KAT6B: variants seen among roughly 807,000 people sequenced by gnomAD.
KAT6B encodes histone acetyltransferase KAT6B.
Under a neutral mutation model 187.5 loss-of-function variants are expected in KAT6B, and 10 were observed. That is an observed-to-expected ratio of 0.05 (90% confidence interval 0.03 to 0.09). The LOEUF is 0.09. Ranked by LOEUF, KAT6B falls within the 10% of genes least tolerant of loss-of-function variation. The probability of loss-of-function intolerance (pLI) is 1.00; values close to 1 mark genes in which losing one functional copy is unlikely to be tolerated. For missense variants in KAT6B, 1,952 were observed against 2,558.9 expected (o/e 0.76, Z 5.12); for synonymous variants, 861 against 926.8 (o/e 0.93, Z 1.29).
At chr10:74,956,122 G>A (rs372296399) in intron 3 of KAT6B, among the ~76,000 whole-genome samples, 7 of 152,078 alleles carry the variant, frequency 4.6e-5, no homozygotes, top group African/African-American at 7.2e-5. Context: ...GGGTCTCCCC[G>A]TGTTGCCCAG....
At chr10:74,874,325 G>C (rs1202492416) in intron 3 of KAT6B, among the ~76,000 whole-genome samples, 1 of 152,164 alleles carries the variant, frequency 6.6e-6, no homozygotes, top group Non-Finnish European at 1.5e-5. Context: ...TTCAGTGACT[G>C]ATAGGCTGTA....
Position 74,940,591 on chromosome 10 carries a change from TC to T in KAT6B, c.622-19378del, listed in dbSNP as rs377579281. ...GCCCGGCCTTTGTTTTTTTTTTTTT[TC>T]TTTCTTTAAAGAGAAGTTCTTGCTC... On this transcript the variant is annotated intron_variant, in intron 3 of 17. Coordinates refer to ENST00000287239, the MANE Select transcript of KAT6B (RefSeq NM_012330.4). 2.2e-3 allele frequency among the ~76,000 whole-genome samples: 331 copies of T among 150,238 alleles called. 8 individuals carry two copies. The highest frequency in any genetic ancestry group is 0.017 in the Middle Eastern group (5 of 294).
At chr10:74,877,611 T>G (rs1844518446) in intron 3 of KAT6B, among the ~76,000 whole-genome samples, 1 of 152,204 alleles carries the variant, frequency 6.6e-6, no homozygotes, top group African/African-American at 2.4e-5. Context: ...AGGTTAATCT[T>G]TTTTTCAAAG....
intron 3 of KAT6B, among the ~76,000 whole-genome samples, chr10:74,850,863 A>G (rs763983155): frequency 6.6e-6 from 1 of 152,228 alleles, no homozygotes; most frequent in Admixed American, 6.5e-5. Flanking sequence ...ATTTCACTTT[A>G]GTGAGAATGT....
intron 3 of KAT6B, among the ~76,000 whole-genome samples, chr10:74,946,891 A>T (rs537420638): frequency 2.6e-5 from 4 of 152,344 alleles, no homozygotes; most frequent in Admixed American, 2.6e-4. Context: ...TAGTTGTACA[A>T]CAACGGGAAT....
At chr10:74,874,757 G>C (rs1173638167) in intron 3 of KAT6B, among the ~76,000 whole-genome samples, 1 of 152,052 alleles carries the variant, frequency 6.6e-6, no homozygotes, top group African/African-American at 2.4e-5. Context: ...CTGTGTGCAG[G>C]GTTAGAAGTT....
chr10:74,963,780 A>T (rs1422280830), intron 4 of KAT6B, among the ~76,000 whole-genome samples: 2 of 152,200 alleles, frequency 1.3e-5, no homozygotes, highest in Non-Finnish European at 2.9e-5. Flanking sequence ...TTGAATCATT[A>T]GGTTGGAAAG....
At chr10:74,910,019 A>G (rs1847075298) in intron 3 of KAT6B, among the ~76,000 whole-genome samples, 1 of 148,824 alleles carries the variant, frequency 6.7e-6, no homozygotes, top group African/African-American at 2.5e-5. Flanking sequence ...GAAAGGAAAA[A>G]CCTCCCCTAA....
At chr10:74,951,579 A>C (rs80078078) in intron 3 of KAT6B, among the ~76,000 whole-genome samples, 1 of 152,140 alleles carries the variant, frequency 6.6e-6, no homozygotes, top group Non-Finnish European at 1.5e-5. Flanking sequence ...ATTACAACCT[A>C]TAGTGACTAT....
chr10:75,000,818 C>T (rs772065969), intron 13 of KAT6B, among the ~76,000 whole-genome samples: 6 of 152,118 alleles, frequency 3.9e-5, no homozygotes, highest in East Asian at 1.9e-4. Flanking sequence ...ATGAATTAGG[C>T]ATTCACTTCG....
At chr10:74,890,353 A>C (rs562963269) in intron 3 of KAT6B, among the ~76,000 whole-genome samples, 6 of 152,280 alleles carry the variant, frequency 3.9e-5, no homozygotes, top group Admixed American at 1.3e-4. Flanking sequence ...AAATGCACAC[A>C]GGAGGCCGGG....
chr10:74,975,709 T>C lies in KAT6B; in HGVS notation c.1372T>C (p.Phe458Leu). The C allele has an allele frequency of 6.2e-7, 1 of 1,614,182 alleles. No homozygotes were observed. The change falls in exon 8 of 18, where the codon TTT becomes CTT. Residue 458 changes from phenylalanine to leucine, a missense_variant. Transcript: ENST00000287239. The part of the protein sequence containing the change: ...GRRSRGEIID[F>L]SKHYRPRKKV... The stretch of plus-strand genomic sequence containing the variant: ...CAGATCACGAGGTGAAATTATAGAC[T>C]TTTCAAAGCACTATCGTCCAAGGAA...
chr10:74,917,089 GCCGAGAC>G (rs1847746545), intron 3 of KAT6B, among the ~76,000 whole-genome samples: 1 of 152,124 alleles, frequency 6.6e-6, no homozygotes, highest in Non-Finnish European at 1.5e-5. Context: ...TGGGTGACAG[GCCGAGAC>G]CCTGTCTCAA....
intron 10 of KAT6B, among the ~76,000 whole-genome samples, chr10:74,981,460 G>T (rs534679063): frequency 6.6e-6 from 1 of 151,918 alleles, no homozygotes; most frequent in Non-Finnish European, 1.5e-5. Context: ...TGCAACCTCC[G>T]CCTCATGGGC....
In KAT6B at chr10:74,842,681, CTGTT is replaced by C; in HGVS notation, c.-173_-170del. On this transcript the variant is annotated 5_prime_UTR_variant, in exon 3 of 18. Coordinates refer to ENST00000287239, the MANE Select transcript of KAT6B (RefSeq NM_012330.4). ...AAAATAAGACAACCATCAACATTGC[CTGTT>C]TGTCTGCTTTTGAATCTCTTAAGGA... The C allele has an allele frequency of 1.4e-6, 1 of 695,898 alleles. No homozygotes were observed. The highest frequency in any genetic ancestry group is 1.8e-5 in the African/African-American group (1 of 56,470). 43.1% of individuals were successfully genotyped at this position (695,898 alleles called of 1,614,324 possible).
chr10:74,872,880 C>T (rs1844104154), intron 3 of KAT6B, among the ~76,000 whole-genome samples: 1 of 152,026 alleles, frequency 6.6e-6, no homozygotes, highest in Non-Finnish European at 1.5e-5. Context: ...AGGAAGAAAA[C>T]TTACTGTAAA....
Position 74,863,020 on chromosome 10 carries a change from C to T in KAT6B, c.621+19542C>T, listed in dbSNP as rs191014033. Among the ~76,000 whole-genome samples the T allele has an allele frequency of 4.6e-3, 694 of 152,300 alleles. 6 individuals are homozygous for T. Among genetic ancestry groups the T allele is most frequent in the African/African-American group, 0.015 (618 of 41,550 alleles). ...CCGTTTCTCTTTGTGGCTCCTTCCACCCCACCTCATGTTATTTAAGTAATC... is the reference window on the plus strand; with the variant it reads ...CCGTTTCTCTTTGTGGCTCCTTCCATCCCACCTCATGTTATTTAAGTAATC... On this transcript the variant is annotated intron_variant, in intron 3 of 17. Coordinates refer to ENST00000287239, the MANE Select transcript of KAT6B (RefSeq NM_012330.4).
At chr10:74,871,219 G>A (rs1453913734) in intron 3 of KAT6B, among the ~76,000 whole-genome samples, 2 of 122,304 alleles carry the variant, frequency 1.6e-5, no homozygotes, top group Non-Finnish European at 3.3e-5. Context: ...TTGATATGGA[G>A]TCTTACTCTG....
intron 7 of KAT6B, 128 bp from the exon 8 acceptor site, chr10:74,975,271 C>T: frequency 1.3e-6 from 1 of 758,312 alleles, no homozygotes; most frequent in Non-Finnish European, 2.2e-6. Flanking sequence ...TAGGTGGTGG[C>T]ACACACAAAA....
Sources: allele counts gnomAD v4.1 joint callset (sites outside exome capture counted in the v4.1 genomes callset), GRCh38; gene constraint gnomAD v4.1.1; transcripts MANE v1.5; gene names NCBI Gene and HGNC (gene_info 2026-07-23, HGNC 2026-07-21).